CDYL: variants seen among roughly 807,000 people sequenced by gnomAD.
CDYL encodes chromodomain Y like, also known as chromodomain Y-like protein.
A neutral mutation model predicts 47.3 loss-of-function variants in CDYL; 8 were observed. That is an observed-to-expected ratio of 0.17 (90% CI 0.10 to 0.31). CDYL has a LOEUF of 0.31. Ranked by LOEUF, CDYL falls within the 10% of genes least tolerant of loss-of-function variation. The pLI, the probability that CDYL is intolerant of heterozygous loss-of-function variation, is 1.00. For missense variants in CDYL, 471 were observed against 701.4 expected, an observed-to-expected ratio of 0.67 and a Z score of 3.71; for synonymous variants, 266 against 265.0, an observed-to-expected ratio of 1.00 and a Z score of -0.04.
In CDYL at chr6:4,846,183, T is replaced by TAAA. The variant is rs75102410; in HGVS notation, c.25-45516_25-45514dup. ...TAGTTGTCTTTGGGTACTGCCTTCTTAAAAAAAAAAAAAAAAGGTGGATAT... is the reference window on the plus strand; with the variant it reads ...TAGTTGTCTTTGGGTACTGCCTTCTTAAAAAAAAAAAAAAAAAAAGGTGGATAT... On this transcript the variant is annotated intron_variant, in intron 1 of 6. Transcript: ENST00000397588. Among the ~76,000 whole-genome samples, 12 of 135,562 alleles carry TAAA rather than the reference T, an allele frequency of 8.9e-5. No homozygotes were observed. The East Asian group carries it at 2.5e-3, about 29-fold the overall frequency. 88.9% of individuals were successfully genotyped at this position (135,562 alleles called of 152,430 possible).
chr6:4,953,621 G>A (rs558913910), intron 6 of CDYL, among the ~76,000 whole-genome samples: 16 of 152,288 alleles, frequency 1.1e-4, no homozygotes, highest in African/African-American at 3.6e-4. Flanking sequence ...GCCAGTATGC[G>A]GCAGTGGCGC....
chr6:4,809,633 T>C (rs149439986), intron 1 of CDYL, among the ~76,000 whole-genome samples: 5,108 of 146,016 alleles, frequency 0.035, 94 homozygotes, highest in African/African-American at 0.044. Flanking sequence ...TAGTCCTTGG[T>C]GATATTTTGT....
At chr6:4,727,025 A>T (rs1757526623) in intron 2 of CDYL, among the ~76,000 whole-genome samples, 2 of 152,200 alleles carry the variant, frequency 1.3e-5, no homozygotes, top group Admixed American at 6.5e-5. Flanking sequence ...CCCTAAGTGC[A>T]TATATACATT....
intron 2 of CDYL, among the ~76,000 whole-genome samples, chr6:4,926,657 A>G (rs1389465377): frequency 6.6e-6 from 1 of 152,214 alleles, no homozygotes; most frequent in African/African-American, 2.4e-5. Flanking sequence ...TGTCAAATAT[A>G]TTGTAAAAAT....
intron 3 of CDYL, 114 bp from the exon 4 acceptor site, chr6:4,937,451 A>G: frequency 1.3e-6 from 1 of 748,552 alleles, no homozygotes; most frequent in Non-Finnish European, 2.0e-6. Context: ...AGCCTTGATT[A>G]AACCACTGCA....
At chr6:4,879,694 G>T (rs1761713167) in intron 1 of CDYL, among the ~76,000 whole-genome samples, 1 of 151,754 alleles carries the variant, frequency 6.6e-6, no homozygotes, top group African/African-American at 2.4e-5. Flanking sequence ...AGGTAGCTGG[G>T]ATTACAGGAG....
intron 4 of CDYL, among the ~76,000 whole-genome samples, chr6:4,942,956 T>C (rs572481351): frequency 6.6e-6 from 1 of 152,364 alleles, no homozygotes; most frequent in East Asian, 1.9e-4. Context: ...CTCTTGTCTC[T>C]GTATCCCCCA....
At chr6:4,798,050 G>A (rs1453645682) in intron 1 of CDYL, among the ~76,000 whole-genome samples, 1 of 151,896 alleles carries the variant, frequency 6.6e-6, no homozygotes, top group Non-Finnish European at 1.5e-5. Flanking sequence ...ACAGCTCACT[G>A]CAGCCTTGAT....
chr6:4,727,751 TAC>T (rs768621252), intron 2 of CDYL, among the ~76,000 whole-genome samples: 160 of 152,152 alleles, frequency 1.1e-3, no homozygotes, highest in Non-Finnish European at 1.9e-3. Flanking sequence ...CGTGATAAAA[TAC>T]AGTGTCATGT....
intron 1 of CDYL, among the ~76,000 whole-genome samples, chr6:4,857,433 G>T (rs1486429975): frequency 6.6e-6 from 1 of 152,124 alleles, no homozygotes; most frequent in African/African-American, 2.4e-5. Context: ...TCCCTTCGTG[G>T]GGCAAAATAT....
intron 2 of CDYL, among the ~76,000 whole-genome samples, chr6:4,914,205 C>CTTTT (rs11373981): frequency 7.3e-6 from 1 of 137,398 alleles, no homozygotes. Context: ...TGAAAGAGTT[C>CTTTT]TTTTTTTTTT....
chr6:4,718,164 G>C (rs1757304878), intron 2 of CDYL, among the ~76,000 whole-genome samples: 1 of 151,970 alleles, frequency 6.6e-6, no homozygotes, highest in Non-Finnish European at 1.5e-5. Context: ...ATATACCTAA[G>C]ACATTTGCAA....
At chr6:4,936,830 C>A (rs139568073) in intron 3 of CDYL, among the ~76,000 whole-genome samples, 1 of 151,250 alleles carries the variant, frequency 6.6e-6, no homozygotes, top group South Asian at 2.1e-4. Flanking sequence ...ATCTAAGAGC[C>A]GCAATTTGCC....
At chr6:4,871,108 C>T (rs1761460850) in intron 1 of CDYL, among the ~76,000 whole-genome samples, 1 of 152,194 alleles carries the variant, frequency 6.6e-6, no homozygotes, top group Admixed American at 6.5e-5. Context: ...TTTTAAGTCA[C>T]TTGCCTAGGT....
chr6:4,759,061 C>T (rs60530811), intron 3 of CDYL, among the ~76,000 whole-genome samples: 7,427 of 151,182 alleles, frequency 0.049, 482 homozygotes, highest in African/African-American at 0.14. Flanking sequence ...TCTGCCTCCC[C>T]GGGTTCACGC....
intron 3 of CDYL, among the ~76,000 whole-genome samples, chr6:4,759,215 C>T (rs528143787): frequency 1.2e-4 from 19 of 152,092 alleles, no homozygotes; most frequent in Admixed American, 9.8e-4. Flanking sequence ...GTGATCCACG[C>T]GCCTCAGCCT....
intron 1 of CDYL, among the ~76,000 whole-genome samples, chr6:4,708,145 TACACACACACAC>T (rs66538207): frequency 0.28 from 41,387 of 149,246 alleles, 6,060 homozygotes; most frequent in East Asian, 0.42. Context: ...TTGTGTTGTG[TACACACACACAC>T]ACACACACAC....
chr6:4,715,735 T>C lies in CDYL; in HGVS notation c.-38-6T>C, dbSNP rs756744221. On this transcript the variant is annotated splice_polypyrimidine_tract_variant and splice_region_variant and intron_variant, in intron 1 of 8. Transcript: ENST00000328908. ...TAAATTCCTCTTGTTGGGATTGTAA[T>C]TGCAGGTGGTCATCAGAGAACACAG... 9 of 1,610,354 alleles carry C rather than the reference T, an allele frequency of 5.6e-6. No homozygotes were observed. In the African/African-American group the frequency reaches 9.4e-5, roughly 17 times the overall value.
rs192994594 is a variant in CDYL, at chr6:4,935,836, T to C, written c.948+65T>C. On this transcript the variant is annotated intron_variant, in intron 3 of 6. Transcript: ENST00000397588. The stretch of plus-strand genomic sequence containing the variant: ...TCCCTGCCTGATTTCCAGGCCTGCC[T>C]GGCTGAACTGGCTCTTCCTGTGCTC... 50 of 1,595,116 alleles carry C rather than the reference T, an allele frequency of 3.1e-5. 1 individual carries two copies. The East Asian group carries it at 1.1e-3, about 34-fold the overall frequency.
Sources: allele counts gnomAD v4.1 joint callset (sites outside exome capture counted in the v4.1 genomes callset), GRCh38; gene constraint gnomAD v4.1.1; transcripts MANE v1.5; gene names NCBI Gene and HGNC (gene_info 2026-07-23, HGNC 2026-07-21).